ANKFN1: variants seen among roughly 807,000 people sequenced by gnomAD.
ANKFN1 encodes the protein ankyrin repeat and fibronectin type III domain containing 1.
A neutral mutation model predicts 108.7 loss-of-function variants in ANKFN1; 74 were observed. The observed-to-expected ratio is 0.68, with a 90% CI of 0.56 to 0.83. The LOEUF is 0.83. Among genes scored for constraint, ANKFN1 ranks in the 40% least tolerant of loss-of-function variants. The pLI is 0.00. For missense variants in ANKFN1, 1,505 were observed against 1,382.3 expected, an observed-to-expected ratio of 1.09 and a Z score of -1.41; for synonymous variants, 547 against 516.2, an observed-to-expected ratio of 1.06 and a Z score of -0.81.
At chr17:56,493,698 G>A (rs2051110515) in intron 19 of ANKFN1, among the ~76,000 whole-genome samples, 1 of 152,104 alleles carries the variant, frequency 6.6e-6, no homozygotes, top group African/African-American at 2.4e-5. Flanking sequence ...TTCAAGCAGT[G>A]AGGATACTCT....
chr17:56,417,657 AG>A (rs1329725739), intron 8 of ANKFN1, among the ~76,000 whole-genome samples: 5 of 152,184 alleles, frequency 3.3e-5, no homozygotes, highest in Admixed American at 6.5e-5. Context: ...TCAGTCACCC[AG>A]TGTGCAGGAG....
chr17:56,510,809 T>C lies in ANKFN1; in HGVS notation c.2981T>C (p.Leu994Pro). The C allele has an allele frequency of 6.5e-7, 1 of 1,536,138 alleles. No homozygotes were observed. The highest frequency in any genetic ancestry group is 8.7e-7 in the Non-Finnish European group (1 of 1,146,892). Residue 994 changes from leucine to proline, a missense_variant, in exon 21 of 21, where the codon CTA (leucine) becomes CCA (proline). By Grantham distance (98) the Leu-to-Pro change is moderately conservative. Coordinates refer to ENST00000682825, the MANE Select transcript of ANKFN1 (RefSeq NM_001370326.1). ...ACTGTGTCCGGTGGGCGGCCCCCGCTAGGCTTCCTGGGAAAGCGGAAGCCA... is the reference window on the plus strand; with the variant it reads ...ACTGTGTCCGGTGGGCGGCCCCCGCCAGGCTTCCTGGGAAAGCGGAAGCCA... Reference protein sequence around the residue: ...AKTVSGGRPPLGFLGKRKPGK... With the variant: ...AKTVSGGRPPPGFLGKRKPGK...
At chr17:56,285,711 G>A (rs557509649) in intron 3 of ANKFN1, among the ~76,000 whole-genome samples, 5 of 152,044 alleles carry the variant, frequency 3.3e-5, no homozygotes, top group East Asian at 1.9e-4. Flanking sequence ...CCTCTTCCTC[G>A]GTTTCCTCCC....
At chr17:56,481,948 CTT>C (rs762539140) in intron 17 of ANKFN1, among the ~76,000 whole-genome samples, 5 of 146,012 alleles carry the variant, frequency 3.4e-5, no homozygotes, top group African/African-American at 5.0e-5. Flanking sequence ...GTGCATACAA[CTT>C]TTTTTTTTTT....
At chr17:56,163,375 T>A (rs1313629123) in intron 1 of ANKFN1, among the ~76,000 whole-genome samples, 2 of 152,234 alleles carry the variant, frequency 1.3e-5, no homozygotes, top group African/African-American at 4.8e-5. Context: ...CTGTCCAGCC[T>A]CGAGCAATAC....
intron 3 of ANKFN1, among the ~76,000 whole-genome samples, chr17:56,321,881 C>T (rs980007320): frequency 2.0e-5 from 3 of 152,170 alleles, no homozygotes; most frequent in African/African-American, 7.2e-5. Context: ...GTTCAAACTC[C>T]CGTTTCCCAG....
intron 4 of ANKFN1, among the ~76,000 whole-genome samples, chr17:56,084,054 C>A (rs954518829): frequency 6.6e-6 from 1 of 151,248 alleles, no homozygotes; most frequent in Admixed American, 6.6e-5. Context: ...CAAATTCAAG[C>A]CCATTATATA....
intron 3 of ANKFN1, among the ~76,000 whole-genome samples, chr17:56,256,860 C>T (rs1362233688): frequency 6.6e-6 from 1 of 152,156 alleles, no homozygotes; most frequent in East Asian, 1.9e-4. Context: ...CTACTATCCC[C>T]TGATATTATC....
chr17:56,402,666 T>G (rs2047797829), intron 8 of ANKFN1, among the ~76,000 whole-genome samples: 1 of 151,914 alleles, frequency 6.6e-6, no homozygotes, highest in African/African-American at 2.4e-5. Context: ...TGTTTTGTAT[T>G]TTTGTTTGTT....
intron 3 of ANKFN1, chr17:56,323,497 A>C (rs1296807751): frequency 6.5e-6 from 1 of 152,682 alleles, no homozygotes; most frequent in Non-Finnish European, 1.5e-5. Context: ...GCCAGAGAAC[A>C]AAAAGGAAGA....
At chr17:56,455,422 A>G (rs1170947953) in intron 11 of ANKFN1, among the ~76,000 whole-genome samples, 6 of 152,208 alleles carry the variant, frequency 3.9e-5, no homozygotes, top group African/African-American at 1.2e-4. Context: ...ACCATTACCA[A>G]CGTAAGCTTG....
At chr17:56,052,249 C>G (rs1333316656) in intron 4 of ANKFN1, among the ~76,000 whole-genome samples, 1 of 152,084 alleles carries the variant, frequency 6.6e-6, no homozygotes, top group Non-Finnish European at 1.5e-5. Context: ...TTTTTAGAAG[C>G]TTTACTGACT....
rs754887841 is a variant in ANKFN1, at chr17:56,457,336, A to C, written c.1387A>C (p.Ile463Leu). 1 of 1,609,100 alleles carries C rather than the reference A, an allele frequency of 6.2e-7. No homozygotes were observed. The highest frequency in any genetic ancestry group is 2.2e-5 in the East Asian group (1 of 44,830). The stretch of plus-strand genomic sequence containing the variant: ...TGAAGATCAAGTACCAATTGTTGAA[A>C]TAGATGACTCTCACACCAGTTCTAT... ...TNEDQVPIVEIDDSHTSSITQ... is the reference protein window; with the variant it reads ...TNEDQVPIVELDDSHTSSITQ... Residue 463 changes from isoleucine to leucine, a missense_variant, in exon 13 of 21, where the codon ATA becomes CTA. Ile to Leu is a conservative substitution (Grantham distance 5, BLOSUM62 2). Transcript: ENST00000682825.
chr17:56,114,816 G>A (rs1168477437), intron 4 of ANKFN1, among the ~76,000 whole-genome samples: 3 of 152,226 alleles, frequency 2.0e-5, no homozygotes, highest in Admixed American at 6.5e-5. Context: ...AAGTGAAAGA[G>A]GGAGGCAGAT....
rs193298943 is a variant in ANKFN1, at chr17:56,453,188, G to A, written c.1208-3673G>A. Among the ~76,000 whole-genome samples, 72 of 152,170 alleles carry A rather than the reference G, an allele frequency of 4.7e-4. 3 individuals carry two copies. In the East Asian group the frequency reaches 8.7e-3, roughly 18 times the overall value. On this transcript the variant is annotated intron_variant, in intron 11 of 20. Transcript: ENST00000682825. Reference sequence around the variant, plus strand: ...TTTAGTCATTACCTCACTAAAGAAAGTAATGATGTATCTCTTTTTACCCCA... The same window carrying A: ...TTTAGTCATTACCTCACTAAAGAAAATAATGATGTATCTCTTTTTACCCCA...
At chr17:56,209,461 C>T (rs972020610) in intron 1 of ANKFN1, among the ~76,000 whole-genome samples, 2 of 152,098 alleles carry the variant, frequency 1.3e-5, no homozygotes, top group African/African-American at 2.4e-5. Flanking sequence ...AATGGAATTA[C>T]CCTAGTGTCA....
At chr17:56,220,811 GA>G (rs1915799754) in intron 2 of ANKFN1, among the ~76,000 whole-genome samples, 1 of 63,506 alleles carries the variant, frequency 1.6e-5, no homozygotes, top group Non-Finnish European at 2.8e-5. Context: ...AGGGAGGGAG[GA>G]AGGAAGGAAG....
At position 56,311,153 on chromosome 17, in the gene ANKFN1, T is replaced by C. The variant is rs546504111; in HGVS notation, c.54-15068T>C. On this transcript the variant is annotated intron_variant, in intron 3 of 20. Transcript: ENST00000682825. ...ATTTCTCTCTCTCTCTCGCTCACTC[T>C]CTCTCTCGTGTGTTTGTGTGTGTGT... Among the ~76,000 whole-genome samples, 9 of 150,312 alleles carry C rather than the reference T, an allele frequency of 6.0e-5. No homozygotes were observed. In the South Asian group the frequency reaches 1.9e-3, roughly 32 times the overall value.
At chr17:56,232,162 C>T (rs1249739090) in intron 3 of ANKFN1, among the ~76,000 whole-genome samples, 1 of 152,124 alleles carries the variant, frequency 6.6e-6, no homozygotes, top group African/African-American at 2.4e-5. Flanking sequence ...CCAGGCTAAA[C>T]ATCCTCAATT....
Sources: gnomAD v4.1 joint callset for allele counts (sites outside exome capture counted in the v4.1 genomes callset) on GRCh38, gnomAD v4.1.1 for gene constraint, MANE v1.5 for transcripts, NCBI Gene and HGNC (gene_info 2026-07-23, HGNC 2026-07-21) for gene names.